ZNF695: variants seen among roughly 807,000 people sequenced by gnomAD.
The protein encoded by ZNF695 is zinc finger protein SBZF3.
In ZNF695, 11 loss-of-function variants were observed where a neutral mutation model predicts 11.2. The observed-to-expected ratio is 0.98, with a 90% confidence interval of 0.62 to 1.62. The LOEUF is 1.62. ZNF695 is among the 40% of genes most tolerant of loss of function. ZNF695 has a pLI of 0.00. For missense variants in ZNF695, 559 were observed against 590.5 expected (o/e 0.95, Z 0.55); for synonymous variants, 190 against 201.4 (o/e 0.94, Z 0.48).
chr1:247,000,297 G>T (rs1669326456), intron 1 of ZNF695, among the ~76,000 whole-genome samples: 2 of 152,112 alleles, frequency 1.3e-5, no homozygotes, highest in South Asian at 4.1e-4. Flanking sequence ...ACCAGGTCAG[G>T]AGTTCAAGAC....
At chr1:246,979,722 T>C (rs1394355763) in intron 4 of ZNF695, 1 of 100,394 alleles carries the variant, frequency 1.0e-5, no homozygotes, top group Non-Finnish European at 2.5e-5. Flanking sequence ...AATTTGCTCA[T>C]AATTGTTAGT....
chr1:246,970,696 C>T (rs947830758), intron 4 of ZNF695, among the ~76,000 whole-genome samples: 2 of 152,200 alleles, frequency 1.3e-5, no homozygotes, highest in Admixed American at 6.5e-5. Context: ...GTGGAGAGCC[C>T]TTGTTGAAGA....
chr1:246,984,758 T>C (rs1177329094), downstream of ZNF695, among the ~76,000 whole-genome samples: 2 of 152,238 alleles, frequency 1.3e-5, no homozygotes, highest in Non-Finnish European at 2.9e-5. Flanking sequence ...ACTAATTAAG[T>C]ACAATGAAAA....
intron 1 of ZNF695, among the ~76,000 whole-genome samples, chr1:247,002,056 A>G (rs1252258655): frequency 6.6e-6 from 1 of 152,174 alleles, no homozygotes; most frequent in African/African-American, 2.4e-5. Flanking sequence ...TGCACATGGC[A>G]TATATTTTCA....
chr1:246,975,307 G>A (rs1668528752), intron 4 of ZNF695, among the ~76,000 whole-genome samples: 1 of 152,122 alleles, frequency 6.6e-6, no homozygotes, highest in African/African-American at 2.4e-5. Flanking sequence ...TGTAACTTCG[G>A]AACACTGATA....
chr1:246,963,526 G>A (rs752289273), intron 5 of ZNF695, among the ~76,000 whole-genome samples: 3 of 152,156 alleles, frequency 2.0e-5, no homozygotes, highest in Admixed American at 6.5e-5. Context: ...ACAATGAAGC[G>A]AACAAACAAG....
chr1:246,980,315 T>C (rs1668674586), intron 4 of ZNF695, among the ~76,000 whole-genome samples: 1 of 152,010 alleles, frequency 6.6e-6, no homozygotes, highest in Non-Finnish European at 1.5e-5. Context: ...TTTCTAGTTA[T>C]AGACCTGTAC....
In ZNF695 at chr1:247,002,511, C is replaced by T. The variant is rs186837686; in HGVS notation, c.4-2437G>A. Among the ~76,000 whole-genome samples, 101 of 152,272 alleles carry T rather than the reference C, an allele frequency of 6.6e-4. 1 individual carries two copies. Among genetic ancestry groups the T allele is most frequent in the Admixed American group, 2.1e-3 (32 of 15,300 alleles). Reference sequence around the variant, plus strand: ...AAGAAAAGAAATAACCAAGGCCGGGCGTGGTGGCTCCCGCATGTAATCCCA... The same window carrying T: ...AAGAAAAGAAATAACCAAGGCCGGGTGTGGTGGCTCCCGCATGTAATCCCA... On this transcript the variant is annotated intron_variant, in intron 1 of 3. Transcript: ENST00000339986.
chr1:246,996,707 C>A (rs1355802263), intron 3 of ZNF695, among the ~76,000 whole-genome samples: 1 of 152,162 alleles, frequency 6.6e-6, no homozygotes, highest in Admixed American at 6.5e-5. Flanking sequence ...ATATATACAC[C>A]TACTATGTAC....
intron 4 of ZNF695, among the ~76,000 whole-genome samples, chr1:246,973,684 T>C (rs943681607): frequency 6.6e-5 from 10 of 152,218 alleles, no homozygotes; most frequent in Non-Finnish European, 1.3e-4. Flanking sequence ...TACACAATTA[T>C]CTTGTTTAAG....
At position 246,985,930 on chromosome 1, in the gene ZNF695, C is replaced by T. The variant is rs1558314455; in HGVS notation, c.*1037G>A. On this transcript the variant is annotated 3_prime_UTR_variant, in exon 4 of 4. Coordinates refer to ENST00000339986, the MANE Select transcript of ZNF695 (RefSeq NM_020394.5). ...AGAAACTCTCACAGCTTTCATGTAGCAACAGTAGGCCTCATGCCTTCACAT... is the reference window on the plus strand; with the variant it reads ...AGAAACTCTCACAGCTTTCATGTAGTAACAGTAGGCCTCATGCCTTCACAT... 5 of 985,414 alleles carry T rather than the reference C, an allele frequency of 5.1e-6. No homozygotes were observed. The highest frequency in any genetic ancestry group is 4.8e-6 in the Non-Finnish European group (4 of 829,932). The allele number at this position is 985,414 out of a possible 1,614,324, so 61.0% of individuals were successfully genotyped here.
At position 246,986,956 on chromosome 1, in the gene ZNF695, T is replaced by C. The variant is rs550815135; in HGVS notation, c.*11A>G. On this transcript the variant is annotated 3_prime_UTR_variant, in exon 4 of 4. Transcript: ENST00000339986. ...GACTATGCCATATTGTTTAGAATTGTAGGGTTTTTCTCAGGTATGAGTTTT... is the reference window on the plus strand; with the variant it reads ...GACTATGCCATATTGTTTAGAATTGCAGGGTTTTTCTCAGGTATGAGTTTT... 2.6e-6 allele frequency: 4 copies of C among 1,552,682 alleles called. No individual in the cohort carries two copies. The highest frequency in any genetic ancestry group is 4.5e-5 in the East Asian group (2 of 44,510).
intron 4 of ZNF695, among the ~76,000 whole-genome samples, chr1:246,979,351 G>C (rs1161497702): frequency 6.6e-6 from 1 of 152,172 alleles, no homozygotes; most frequent in Non-Finnish European, 1.5e-5. Context: ...CCCAGACTTA[G>C]AATACAGCCC....
intron 5 of ZNF695, among the ~76,000 whole-genome samples, chr1:246,957,377 C>T (rs1416367877): frequency 1.3e-5 from 2 of 148,396 alleles, no homozygotes; most frequent in African/African-American, 5.0e-5. Flanking sequence ...AGCGAAACTC[C>T]GTCTAAAAAA....
downstream of ZNF695, among the ~76,000 whole-genome samples, chr1:246,982,097 C>A (rs1017806045): frequency 6.6e-6 from 1 of 151,712 alleles, no homozygotes; most frequent in Non-Finnish European, 1.5e-5. Flanking sequence ...ATGGAGAAAC[C>A]CGGACTCTAC....
At chr1:246,958,606 T>C (rs919680186) in intron 5 of ZNF695, among the ~76,000 whole-genome samples, 3 of 152,132 alleles carry the variant, frequency 2.0e-5, no homozygotes, top group African/African-American at 7.2e-5. Context: ...GCTGTCATGA[T>C]CCTGAGTGAA....
At chr1:247,000,138 G>C in intron 1 of ZNF695, 64 bp from the exon 2 acceptor site, 2 of 1,409,586 alleles carry the variant, frequency 1.4e-6, no homozygotes, top group Non-Finnish European at 1.9e-6. Flanking sequence ...TACAGGCAAG[G>C]AGAGACAGTG....
intron 4 of ZNF695, among the ~76,000 whole-genome samples, chr1:246,973,188 T>A (rs1422778024): frequency 6.6e-6 from 1 of 151,972 alleles, no homozygotes; most frequent in East Asian, 1.9e-4. Flanking sequence ...TAGCTGGGAT[T>A]ACAGGCATGC....
At chr1:246,974,994 A>G (rs1241019593) in intron 4 of ZNF695, among the ~76,000 whole-genome samples, 1 of 152,186 alleles carries the variant, frequency 6.6e-6, no homozygotes, top group Admixed American at 6.6e-5. Context: ...ACTTCCTCAG[A>G]GAGTTCTTCC....
Sources: allele counts gnomAD v4.1 joint callset (sites outside exome capture counted in the v4.1 genomes callset), GRCh38; gene constraint gnomAD v4.1.1; transcripts MANE v1.5; gene names NCBI Gene and HGNC (gene_info 2026-07-23, HGNC 2026-07-21).